The following COG2 variants were observed in gnomAD, a reference collection of about 807,000 sequenced individuals.
The protein encoded by COG2 is component of oligomeric golgi complex 2, also known as conserved oligomeric Golgi complex subunit 2.
COG2 carries 52 observed loss-of-function variants against 90.6 expected under a neutral mutation model. That is an observed-to-expected ratio of 0.57 (90% CI 0.46 to 0.72). The LOEUF is 0.72. COG2 is among the 30% of genes least tolerant of loss of function. The probability of loss-of-function intolerance (pLI) is 0.00; values close to 1 mark genes in which losing one functional copy is unlikely to be tolerated. For missense variants in COG2, 829 were observed against 891.2 expected, an observed-to-expected ratio of 0.93 and a Z score of 0.89; for synonymous variants, 337 against 320.4, an observed-to-expected ratio of 1.05 and a Z score of -0.55.
At chr1:230,645,685 A>C (rs377232980) in intron 1 of COG2, among the ~76,000 whole-genome samples, 1 of 152,340 alleles carries the variant, frequency 6.6e-6, no homozygotes, top group South Asian at 2.1e-4. Flanking sequence ...ATAATGAAAT[A>C]GTTATAAAAT....
At chr1:230,659,001 A>C (rs760760674) in intron 1 of COG2, among the ~76,000 whole-genome samples, 2 of 152,220 alleles carry the variant, frequency 1.3e-5, no homozygotes, top group Non-Finnish European at 2.9e-5. Context: ...AAGGATGTGA[A>C]TCACAATGTT....
rs1663086001 is a variant in COG2 at position 230,693,312 on chromosome 1, A to G, written c.2136A>G (p.Gln712=). The G allele has an allele frequency of 2.5e-6, 4 of 1,613,376 alleles. No individual in the cohort carries two copies. Among genetic ancestry groups the G allele is most frequent in the Admixed American group, 1.7e-5 (1 of 60,002 alleles). The change falls in exon 18 of 18, where the codon CAA becomes CAG. Residue 712 remains glutamine, a synonymous_variant. Transcript: ENST00000366669. ...TGCAGATACAAAAGTTGGGACTACA[A>G]GCAAGTGACATAAAAAGCTTCTCAG... is the stretch of plus-strand genomic sequence containing the variant. The part of the protein sequence containing the change: ...LGEQIQKLGL[Q]ASDIKSFSAL...
chr1:230,664,687 G>GTCTA (rs1662275191), intron 5 of COG2, 100 bp downstream of exon 5: 1 of 572,280 alleles, frequency 1.7e-6, no homozygotes, highest in African/African-American at 1.9e-5. Flanking sequence ...GAAAATCCCA[G>GTCTA]TCTATGGCTT....
chr1:230,662,907 G>GTA (rs1269722936), intron 3 of COG2, among the ~76,000 whole-genome samples: 1 of 152,046 alleles, frequency 6.6e-6, no homozygotes, highest in Non-Finnish European at 1.5e-5. Flanking sequence ...GATGCTCATT[G>GTA]TATATATATT....
intron 13 of COG2, 142 bp from the exon 14 acceptor site, chr1:230,687,924 TCTTTC>T (rs1483654792): frequency 6.6e-6 from 4 of 610,072 alleles, no homozygotes; most frequent in Admixed American, 7.1e-5. Context: ...TAAAACTGTT[TCTTTC>T]CTTTGATGAA....
intron 12 of COG2, among the ~76,000 whole-genome samples, chr1:230,686,151 T>A (rs920105326): frequency 6.6e-6 from 1 of 152,222 alleles, no homozygotes; most frequent in Non-Finnish European, 1.5e-5. Context: ...GAAAACAGCT[T>A]CTATATGTGG....
intron 8 of COG2, among the ~76,000 whole-genome samples, chr1:230,672,490 A>C (rs905036922): frequency 1.3e-5 from 2 of 151,852 alleles, no homozygotes; most frequent in African/African-American, 4.8e-5. Flanking sequence ...TTTCCTGTCA[A>C]ACTGCCTCTC....
chr1:230,655,089 T>C (rs1388659866), intron 1 of COG2, among the ~76,000 whole-genome samples: 1 of 152,198 alleles, frequency 6.6e-6, no homozygotes, highest in Non-Finnish European at 1.5e-5. Flanking sequence ...ACCCTTTATT[T>C]CTTTCTCTTG....
At chr1:230,691,742 C>T (rs979577379) in intron 17 of COG2, 178 bp downstream of exon 17, 5 of 575,324 alleles carry the variant, frequency 8.7e-6, no homozygotes, top group Admixed American at 3.4e-5. Context: ...CAGTATGAGA[C>T]GGCAATATGA....
At chr1:230,678,279 A>C in intron 9 of COG2, 1 of 985,388 alleles carries the variant, frequency 1.0e-6, no homozygotes, top group Non-Finnish European at 1.2e-6. Flanking sequence ...GCCTCAACAG[A>C]AGAAGAAGCA....
intron 3 of COG2, among the ~76,000 whole-genome samples, chr1:230,662,769 T>G (rs986477502): frequency 1.9e-4 from 29 of 152,288 alleles, no homozygotes; most frequent in African/African-American, 6.7e-4. Context: ...TGCCTTGTCT[T>G]CTGATAATCT....
intron 9 of COG2, 138 bp downstream of exon 9, chr1:230,675,262 TA>T: frequency 1.1e-6 from 1 of 875,042 alleles, no homozygotes; most frequent in Non-Finnish European, 1.6e-6. Context: ...CATTTAACCT[TA>T]AAACACACAC....
chr1:230,683,522 A>G, intron 10 of COG2, 52 bp from the exon 11 acceptor site: 1 of 1,347,930 alleles, frequency 7.4e-7, no homozygotes. Context: ...GGATAGGGAA[A>G]GGCATCTGTC....
chr1:230,650,891 G>T (rs1661900034), intron 1 of COG2, among the ~76,000 whole-genome samples: 1 of 152,062 alleles, frequency 6.6e-6, no homozygotes, highest in Non-Finnish European at 1.5e-5. Context: ...AGAAATAGGG[G>T]TCCAGTTTCA....
At chr1:230,691,268 G>T (rs1035101477) in intron 16 of COG2, 116 bp from the exon 17 acceptor site, 8 of 835,014 alleles carry the variant, frequency 9.6e-6, no homozygotes, top group African/African-American at 7.2e-5. Context: ...TTGAATTTTC[G>T]TTGGAAGTGA....
chr1:230,667,523 GT>G (rs1338007070), intron 5 of COG2, among the ~76,000 whole-genome samples: 1 of 152,172 alleles, frequency 6.6e-6, no homozygotes, highest in African/African-American at 2.4e-5. Flanking sequence ...AATTTGAGCT[GT>G]AGTGAAGGTA....
rs1085307116 is a variant in COG2 at position 230,669,461 on chromosome 1, T to TA, written c.701dup (p.Tyr234Ter). 6.2e-7 allele frequency: 1 copy of TA among 1,614,100 alleles called. No individual in the cohort carries two copies. The highest frequency in any genetic ancestry group is 8.5e-7 in the Non-Finnish European group (1 of 1,179,970). The change falls in exon 7 of 18, where the codon TAC becomes TAAC. Residue 234 changes from tyrosine (Y) to a stop codon, truncating the protein, a stop_gained and frameshift_variant. Coordinates refer to ENST00000366669, the MANE Select transcript of COG2 (RefSeq NM_007357.3). LOFTEE classifies it high-confidence loss of function. ...VDIIRHCLRTYATIDKTRDAE... is the reference protein window; with the variant it reads ...VDIIRHCLRT Reference sequence around the variant, plus strand: ...TATAATACGGCACTGCTTGCGGACTTACGCCACGATTGACAAGACACGGGA... The same window carrying TA: ...TATAATACGGCACTGCTTGCGGACTTAACGCCACGATTGACAAGACACGGGA...
At chr1:230,663,504 C>T (rs1038127084) in intron 4 of COG2, among the ~76,000 whole-genome samples, 1 of 152,130 alleles carries the variant, frequency 6.6e-6, no homozygotes, top group African/African-American at 2.4e-5. Flanking sequence ...GTTTAATTCT[C>T]CTTTAGATCC....
chr1:230,643,033 C>G, intron 1 of COG2: 1 of 244,260 alleles, frequency 4.1e-6, no homozygotes, highest in Non-Finnish European at 7.8e-6. Context: ...CCTTGGAGCT[C>G]ATTAAGTGTG....
Sources: gnomAD v4.1 joint callset for allele counts (sites outside exome capture counted in the v4.1 genomes callset) on GRCh38, gnomAD v4.1.1 for gene constraint, MANE v1.5 for transcripts, NCBI Gene and HGNC (gene_info 2026-07-23, HGNC 2026-07-21) for gene names.